MAP3K5: variants seen among roughly 807,000 people sequenced by gnomAD.
The protein encoded by MAP3K5 is ASK-1.
MAP3K5 carries 56 observed loss-of-function variants against 158.7 expected under a neutral mutation model. The ratio of observed to expected loss-of-function variants is 0.35; its 90% CI spans 0.28 to 0.44. The LOEUF (loss-of-function observed/expected upper bound fraction) is 0.44, where lower values mean the gene tolerates loss of function less well. MAP3K5 is among the 20% of genes least tolerant of loss of function. The pLI is 1.00. For synonymous variants in MAP3K5, 579 were observed against 601.7 expected, an observed-to-expected ratio of 0.96 and a Z score of 0.55; for missense variants, 1,294 against 1,674.8, an observed-to-expected ratio of 0.77 and a Z score of 3.97.
chr6:136,746,763 C>G (rs1165505322), intron 1 of MAP3K5, among the ~76,000 whole-genome samples: 1 of 152,128 alleles, frequency 6.6e-6, no homozygotes, highest in African/African-American at 2.4e-5. Flanking sequence ...TCTTTCTGAC[C>G]CCTACTCTTC....
At chr6:136,602,051 T>C in intron 19 of MAP3K5, 72 bp from the exon 20 acceptor site, 2 of 1,233,276 alleles carry the variant, frequency 1.6e-6, no homozygotes, top group Non-Finnish European at 2.3e-6. Context: ...CCAGCTTCCA[T>C]AACTTGACCC....
chr6:136,583,920 C>T (rs1775001524), intron 23 of MAP3K5, among the ~76,000 whole-genome samples, 180 bp from the exon 24 acceptor site: 1 of 152,118 alleles, frequency 6.6e-6, no homozygotes, highest in African/African-American at 2.4e-5. Flanking sequence ...ATCACTACTT[C>T]CCAAAGTGCT....
At chr6:136,652,473 C>T (rs772493231) in intron 10 of MAP3K5, among the ~76,000 whole-genome samples, 4 of 152,160 alleles carry the variant, frequency 2.6e-5, no homozygotes, top group East Asian at 1.9e-4. Context: ...GAGACATAAG[C>T]GGTAATGATG....
At chr6:136,599,220 G>A (rs1775771789) in intron 21 of MAP3K5, among the ~76,000 whole-genome samples, 1 of 151,420 alleles carries the variant, frequency 6.6e-6, no homozygotes, top group Non-Finnish European at 1.5e-5. Context: ...CATCTGTCCT[G>A]CTCTCCTAGG....
chr6:136,689,863 T>C (rs1480812267), intron 7 of MAP3K5, among the ~76,000 whole-genome samples: 1 of 152,122 alleles, frequency 6.6e-6, no homozygotes, highest in Non-Finnish European at 1.5e-5. Context: ...ACAGTCCCTC[T>C]AAAGTGTGAA....
chr6:136,657,764 T>C (rs1778813403), intron 9 of MAP3K5, among the ~76,000 whole-genome samples: 2 of 151,992 alleles, frequency 1.3e-5, no homozygotes, highest in Admixed American at 6.6e-5. Flanking sequence ...GATGGATGAG[T>C]GTTCCTCGGA....
intron 26 of MAP3K5, among the ~76,000 whole-genome samples, chr6:136,564,145 T>G (rs1830634358): frequency 6.6e-6 from 1 of 152,176 alleles, no homozygotes; most frequent in Non-Finnish European, 1.5e-5. Flanking sequence ...GTCTGGTCTT[T>G]AATAAGGGAT....
At chr6:136,640,231 C>T (rs1302698927) in intron 12 of MAP3K5, among the ~76,000 whole-genome samples, 1 of 152,212 alleles carries the variant, frequency 6.6e-6, no homozygotes, top group Non-Finnish European at 1.5e-5. Context: ...TTTTCTGTAA[C>T]AGGCCAGATA....
At chr6:136,755,687 TC>T (rs35435839) in intron 1 of MAP3K5, among the ~76,000 whole-genome samples, 50,682 of 124,438 alleles carry the variant, frequency 0.41, 10,607 homozygotes, top group Middle Eastern at 0.55. Context: ...AGACTCTGTC[TC>T]CAAAAAAAAA....
intron 20 of MAP3K5, 32 bp from the exon 21 acceptor site, chr6:136,601,074 A>T: frequency 6.2e-7 from 1 of 1,612,752 alleles, no homozygotes; most frequent in East Asian, 2.2e-5. Flanking sequence ...GCCATGAATA[A>T]GCACGTGCTG....
chr6:136,587,793 C>T (rs1048679693), intron 23 of MAP3K5, among the ~76,000 whole-genome samples: 2 of 152,148 alleles, frequency 1.3e-5, no homozygotes, highest in Admixed American at 6.5e-5. Context: ...TAAGGCATGC[C>T]CTCTGATGGT....
chr6:136,592,646 T>A (rs1157271576), intron 21 of MAP3K5, 32 bp from the exon 22 acceptor site: 2 of 1,584,146 alleles, frequency 1.3e-6, no homozygotes, highest in Non-Finnish European at 1.7e-6. Context: ...AAAAGATAAT[T>A]GACACTTTAA....
intron 11 of MAP3K5, among the ~76,000 whole-genome samples, chr6:136,648,748 G>T (rs563143256): frequency 6.6e-6 from 1 of 152,152 alleles, no homozygotes; most frequent in East Asian, 1.9e-4. Context: ...TCTGGTAGAG[G>T]TCACAGGGCC....
At chr6:136,744,612 A>G (rs1228449731) in intron 1 of MAP3K5, among the ~76,000 whole-genome samples, 2 of 152,182 alleles carry the variant, frequency 1.3e-5, no homozygotes, top group Non-Finnish European at 2.9e-5. Flanking sequence ...CATGCACTCC[A>G]ACATGGACAG....
chr6:136,710,804 G>A (rs1310903603), intron 2 of MAP3K5, among the ~76,000 whole-genome samples: 1 of 152,118 alleles, frequency 6.6e-6, no homozygotes, highest in Non-Finnish European at 1.5e-5. Flanking sequence ...TCCCTGGCTG[G>A]TGACTTTCTG....
At chr6:136,769,813 G>GA (rs1784121599) in intron 1 of MAP3K5, among the ~76,000 whole-genome samples, 1 of 31,128 alleles carries the variant, frequency 3.2e-5, no homozygotes, top group Non-Finnish European at 6.6e-5. Flanking sequence ...GGGAGGGAGG[G>GA]GACGGGAGGG....
At chr6:136,722,460 C>A (rs1289565280) in intron 1 of MAP3K5, among the ~76,000 whole-genome samples, 7 of 152,018 alleles carry the variant, frequency 4.6e-5, no homozygotes, top group African/African-American at 1.7e-4. Context: ...ATGCTATAGA[C>A]ATCAACAAGC....
At chr6:136,648,870 C>G (rs1281614023) in intron 11 of MAP3K5, among the ~76,000 whole-genome samples, 2 of 152,252 alleles carry the variant, frequency 1.3e-5, no homozygotes, top group East Asian at 1.9e-4. Flanking sequence ...TCCTGTTGAA[C>G]TTCCTAAGGT....
At chr6:136,760,378 T>C (rs979276258) in intron 1 of MAP3K5, among the ~76,000 whole-genome samples, 3 of 152,218 alleles carry the variant, frequency 2.0e-5, no homozygotes, top group Admixed American at 6.5e-5. Flanking sequence ...TAGCTCTCTC[T>C]TTGGGCCATA....
Sources: gnomAD v4.1 joint callset for allele counts (sites outside exome capture counted in the v4.1 genomes callset) on GRCh38, gnomAD v4.1.1 for gene constraint, MANE v1.5 for transcripts, NCBI Gene and HGNC (gene_info 2026-07-23, HGNC 2026-07-21) for gene names.